PREP: variants seen among roughly 807,000 people sequenced by gnomAD.
The protein encoded by PREP is dJ355L5.1 (prolyl endopeptidase).
Under a neutral mutation model 87.6 loss-of-function variants are expected in PREP, and 29 were observed. The ratio of observed to expected loss-of-function variants is 0.33; its 90% CI spans 0.25 to 0.45. The LOEUF (loss-of-function observed/expected upper bound fraction) is 0.45. Ranked by LOEUF, PREP falls within the 20% of genes least tolerant of loss-of-function variation. The pLI is 1.00. For missense variants in PREP, 695 were observed against 886.5 expected, an observed-to-expected ratio of 0.78 and a Z score of 2.74; for synonymous variants, 337 against 328.6, an observed-to-expected ratio of 1.03 and a Z score of -0.28.
chr6:105,363,556 T>C (rs1772306183), intron 6 of PREP, among the ~76,000 whole-genome samples: 1 of 152,192 alleles, frequency 6.6e-6, no homozygotes, highest in Admixed American at 6.5e-5. Context: ...AAGGGAGCTC[T>C]TGTTCCTGAG....
chr6:105,340,028 C>T (rs145078412), intron 7 of PREP, among the ~76,000 whole-genome samples: 6 of 151,846 alleles, frequency 4.0e-5, no homozygotes, highest in East Asian at 1.9e-4. Flanking sequence ...TTCAAATTCA[C>T]GAAATACAGA....
intron 9 of PREP, among the ~76,000 whole-genome samples, chr6:105,328,262 AT>A (rs372647542): frequency 0.035 from 5,060 of 145,564 alleles, 252 homozygotes; most frequent in African/African-American, 0.11. Context: ...ATTGGTACTA[AT>A]TTTTTTTTTT....
intron 7 of PREP, among the ~76,000 whole-genome samples, chr6:105,344,460 C>T (rs1355683450): frequency 1.3e-5 from 2 of 150,084 alleles, no homozygotes; most frequent in Non-Finnish European, 2.9e-5. Context: ...CCACTGCACT[C>T]CAGCCTGGGA....
chr6:105,281,998 C>T, intron 13 of PREP, 96 bp from the exon 14 acceptor site: 1 of 1,412,936 alleles, frequency 7.1e-7, no homozygotes, highest in Non-Finnish European at 9.5e-7. Context: ...CTTCCAGAGC[C>T]CTGGTTGCAT....
intron 6 of PREP, among the ~76,000 whole-genome samples, chr6:105,354,257 T>A (rs1237657554): frequency 6.6e-6 from 1 of 152,222 alleles, no homozygotes; most frequent in Non-Finnish European, 1.5e-5. Flanking sequence ...GAAAATTTCT[T>A]GAACATGTTT....
intron 2 of PREP, among the ~76,000 whole-genome samples, chr6:105,380,667 C>A (rs9986547): frequency 0.24 from 36,603 of 151,954 alleles, 6,430 homozygotes; most frequent in African/African-American, 0.5. Flanking sequence ...GGCTATTTCC[C>A]AGAGGGCCTC....
intron 6 of PREP, among the ~76,000 whole-genome samples, chr6:105,360,484 G>A (rs1427843936): frequency 6.6e-6 from 1 of 152,170 alleles, no homozygotes; most frequent in East Asian, 1.9e-4. Flanking sequence ...CATAAGGTAT[G>A]GGGGTATTGT....
intron 12 of PREP, among the ~76,000 whole-genome samples, chr6:105,285,279 A>G (rs184415312): frequency 1.6e-4 from 25 of 152,354 alleles, no homozygotes; most frequent in Non-Finnish European, 3.1e-4. Context: ...TCATCTATTT[A>G]TTATAACAAA....
intron 8 of PREP, among the ~76,000 whole-genome samples, chr6:105,330,502 G>C (rs970211121): frequency 5.3e-5 from 8 of 152,212 alleles, no homozygotes; most frequent in African/African-American, 1.9e-4. Context: ...GGGAGAGCAG[G>C]AGTGAGAGGT....
intron 10 of PREP, chr6:105,322,462 G>C (rs1363040366): frequency 3.0e-6 from 3 of 985,314 alleles, no homozygotes; most frequent in East Asian, 2.3e-4. Context: ...TTTCAGGCCT[G>C]TCTGACAGAG....
chr6:105,327,008 G>A (rs1006695549), intron 9 of PREP, among the ~76,000 whole-genome samples: 1 of 152,192 alleles, frequency 6.6e-6, no homozygotes, highest in South Asian at 2.1e-4. Flanking sequence ...GTAATGATGA[G>A]CTTGTTCCTG....
At chr6:105,383,643 C>T (rs544008883) in intron 2 of PREP, among the ~76,000 whole-genome samples, 1 of 152,280 alleles carries the variant, frequency 6.6e-6, no homozygotes, top group South Asian at 2.1e-4. Flanking sequence ...CTTCTAGAAG[C>T]CTGTCAGGCC....
chr6:105,349,744 T>C (rs1419550189), intron 7 of PREP, among the ~76,000 whole-genome samples: 1 of 151,846 alleles, frequency 6.6e-6, no homozygotes, highest in East Asian at 1.9e-4. Context: ...TAATATGAAA[T>C]TGGAGGTTTC....
chr6:105,344,298 G>A (rs1771741177), intron 7 of PREP, among the ~76,000 whole-genome samples: 1 of 152,094 alleles, frequency 6.6e-6, no homozygotes, highest in Non-Finnish European at 1.5e-5. Flanking sequence ...GAGACCATCT[G>A]GCTAACATGG....
At chr6:105,320,047 A>G (rs1367970319) in intron 10 of PREP, among the ~76,000 whole-genome samples, 3 of 152,232 alleles carry the variant, frequency 2.0e-5, no homozygotes, top group Non-Finnish European at 4.4e-5. Flanking sequence ...GCTGACTGTA[A>G]ATGTAGACAG....
At chr6:105,382,313 A>AC (rs1562224787) in intron 2 of PREP, among the ~76,000 whole-genome samples, 53 of 149,542 alleles carry the variant, frequency 3.5e-4, no homozygotes, top group African/African-American at 1.0e-3. Context: ...ACACACACAC[A>AC]AAGTATGTGA....
At chr6:105,402,367 G>A (rs897897951) in intron 1 of PREP, among the ~76,000 whole-genome samples, 18 of 151,528 alleles carry the variant, frequency 1.2e-4, no homozygotes, top group Non-Finnish European at 2.5e-4. Context: ...TCAACTCTAA[G>A]GACTTTAAAG....
intron 1 of PREP, among the ~76,000 whole-genome samples, chr6:105,400,363 T>A (rs559534400): frequency 6.6e-6 from 1 of 152,160 alleles, no homozygotes; most frequent in Non-Finnish European, 1.5e-5. Context: ...GCAGGACCCA[T>A]CAAACCTGCC....
At chr6:105,369,415 C>T (rs1204436519) in intron 5 of PREP, among the ~76,000 whole-genome samples, 1 of 152,152 alleles carries the variant, frequency 6.6e-6, no homozygotes, top group Non-Finnish European at 1.5e-5. Flanking sequence ...TTAATGAAAT[C>T]CCAAACAAAA....
Sources: gnomAD v4.1 joint callset for allele counts (sites outside exome capture counted in the v4.1 genomes callset) on GRCh38, gnomAD v4.1.1 for gene constraint, MANE v1.5 for transcripts, NCBI Gene and HGNC (gene_info 2026-07-23, HGNC 2026-07-21) for gene names.